The following PAPOLG variants were observed in gnomAD, a reference collection of about 807,000 sequenced individuals.
The protein encoded by PAPOLG is PAP-gamma.
A neutral mutation model predicts 99.0 loss-of-function variants in PAPOLG; 40 were observed. The observed-to-expected ratio is 0.40, with a 90% CI of 0.31 to 0.53. The LOEUF is 0.53. Among genes scored for constraint, PAPOLG ranks in the 20% least tolerant of loss-of-function variants. The probability of loss-of-function intolerance (pLI) is 0.41; values close to 1 mark genes in which losing one functional copy is unlikely to be tolerated. For missense variants in PAPOLG, 675 were observed against 884.1 expected (o/e 0.76, Z 3.00); for synonymous variants, 310 against 299.3 (o/e 1.04, Z -0.37).
At chr2:60,782,973 T>C (rs1322839734) in intron 12 of PAPOLG, 183 bp from the exon 13 acceptor site, 7 of 496,870 alleles carry the variant, frequency 1.4e-5, no homozygotes, top group Non-Finnish European at 1.8e-5. Context: ...AAGTGAATTG[T>C]TTTTTACTTG....
intron 9 of PAPOLG, 111 bp downstream of exon 9, chr2:60,779,886 T>A: frequency 1.0e-6 from 1 of 965,796 alleles, no homozygotes; most frequent in East Asian, 2.5e-5. Flanking sequence ...TACATTGCTT[T>A]GTAAAGTTGA....
chr2:60,796,898 T>G (rs1487150484), intron 21 of PAPOLG, 164 bp from the exon 22 acceptor site: 3 of 389,652 alleles, frequency 7.7e-6, no homozygotes, highest in African/African-American at 6.6e-5. Context: ...AAAGCAAGAG[T>G]TCCCTATGAA....
chr2:60,793,480 C>G, intron 17 of PAPOLG, 147 bp from the exon 18 acceptor site: 1 of 854,470 alleles, frequency 1.2e-6, no homozygotes, highest in South Asian at 1.9e-5. Context: ...GGCAAAGTTA[C>G]TTGAGTCCAG....
rs1671131783 is a variant in PAPOLG at position 60,779,622 on chromosome 2, A to C, written c.695-15A>C. 1.2e-6 allele frequency: 2 copies of C among 1,600,110 alleles called. No individual in the cohort carries two copies. The highest frequency in any genetic ancestry group is 4.5e-5 in the East Asian group (2 of 44,702). On this transcript the variant is annotated splice_polypyrimidine_tract_variant and intron_variant, in intron 8 of 21. Coordinates refer to ENST00000238714, the MANE Select transcript of PAPOLG (RefSeq NM_022894.4). ...TAGGTCCTAATAATAATTAACAAAT[A>C]TATTGATTTTCTAGGACGTGGTATT...
Position 60,797,526 on chromosome 2 carries a change from G to GT in PAPOLG, c.*371dup, listed in dbSNP as rs766458681. On this transcript the variant is annotated 3_prime_UTR_variant, in exon 22 of 22. Transcript: ENST00000238714. The stretch of plus-strand genomic sequence containing the variant: ...ACTCCTTTTTTGTTTTGTTTTTTGT[G>GT]TTTTTCTTTTTTTGTCTTATGTTGT... The GT allele has an allele frequency of 0.13, 21,808 of 169,472 alleles. 1,428 individuals carry two copies. Among genetic ancestry groups the GT allele is most frequent in the Middle Eastern group, 0.15 (56 of 372 alleles). The allele number at this position is 169,472 out of a possible 1,614,324, so 10.5% of individuals were successfully genotyped here.
At chr2:60,765,610 T>C (rs1360312514) in intron 3 of PAPOLG, among the ~76,000 whole-genome samples, 1 of 152,154 alleles carries the variant, frequency 6.6e-6, no homozygotes, top group African/African-American at 2.4e-5. Context: ...ATGATTTGAA[T>C]CTGTACACAA....
chr2:60,799,232 C>T lies in PAPOLG; in HGVS notation c.*2072C>T, dbSNP rs1255640707. 1 of 152,228 alleles carries T rather than the reference C, an allele frequency of 6.6e-6. No individual in the cohort carries two copies. The highest frequency in any genetic ancestry group is 1.5e-5 in the Non-Finnish European group (1 of 68,016). The allele number at this position is 152,228 out of a possible 1,614,324, so 9.4% of individuals were successfully genotyped here. On this transcript the variant is annotated 3_prime_UTR_variant, in exon 22 of 22. Coordinates refer to ENST00000238714, the MANE Select transcript of PAPOLG (RefSeq NM_022894.4). ...GAATTCCTTCTGTATCCATGTTTAC[C>T]CCATTATGTAAATAGATCTTTGGAG...
chr2:60,798,835 A>G lies in PAPOLG; in HGVS notation c.*1675A>G, dbSNP rs1671787507. The stretch of plus-strand genomic sequence containing the variant: ...CTCCAAAATGTAAATTCTAATGTTT[A>G]CCTTGTACCATGGAAAACATGAAAA... On this transcript the variant is annotated 3_prime_UTR_variant, in exon 22 of 22. Transcript: ENST00000238714. The G allele has an allele frequency of 6.6e-6, 1 of 152,334 alleles. No homozygotes were observed. Among genetic ancestry groups the G allele is most frequent in the Non-Finnish European group, 1.5e-5 (1 of 68,026 alleles). The allele number at this position is 152,334 out of a possible 1,614,324, so 9.4% of individuals were successfully genotyped here.
intron 14 of PAPOLG, 125 bp from the exon 15 acceptor site, chr2:60,787,386 C>G: frequency 8.0e-7 from 1 of 1,244,310 alleles, no homozygotes; most frequent in Non-Finnish European, 1.1e-6. Context: ...AGAATCTGGC[C>G]AGACCACTGA....
chr2:60,782,598 T>C (rs1671223543), intron 11 of PAPOLG, 88 bp from the exon 12 acceptor site: 7 of 1,344,016 alleles, frequency 5.2e-6, no homozygotes, highest in Non-Finnish European at 5.8e-6. Flanking sequence ...GAGTTTGAGA[T>C]TTTGTAGTAG....
chr2:60,792,244 C>A lies in PAPOLG; in HGVS notation c.1634C>A (p.Ser545Tyr). The A allele has an allele frequency of 6.2e-7, 1 of 1,609,970 alleles. No homozygotes were observed. Among genetic ancestry groups the A allele is most frequent in the Non-Finnish European group, 8.5e-7 (1 of 1,179,182 alleles). The stretch of plus-strand genomic sequence containing the variant: ...ACTGATAATGGAACACCTTTTAATT[C>A]TCCAGCGTCCAAGTCTGATAGCCCT... ...RDTDNGTPFN[S>Y]PASKSDSPSV... The change falls in exon 17 of 22, where the codon TCT (serine) becomes TAT (tyrosine). Residue 545 changes from serine (S) to tyrosine (Y), a missense_variant. By Grantham distance (144) the Ser-to-Tyr change is moderately radical (BLOSUM62 -2). Coordinates refer to ENST00000238714, the MANE Select transcript of PAPOLG (RefSeq NM_022894.4).
At chr2:60,760,703 C>T (rs1481372718) in intron 2 of PAPOLG, among the ~76,000 whole-genome samples, 1 of 152,056 alleles carries the variant, frequency 6.6e-6, no homozygotes, top group Non-Finnish European at 1.5e-5. Context: ...GGTGTCTGAG[C>T]AGTGAGGAAG....
chr2:60,767,753 AG>A (rs1390034359), intron 3 of PAPOLG, among the ~76,000 whole-genome samples: 1 of 152,220 alleles, frequency 6.6e-6, no homozygotes, highest in East Asian at 1.9e-4. Flanking sequence ...CAAAAACTAA[AG>A]GGGATATGGG....
At chr2:60,764,843 C>A (rs141327532) in intron 3 of PAPOLG, among the ~76,000 whole-genome samples, 1 of 152,126 alleles carries the variant, frequency 6.6e-6, no homozygotes, top group African/African-American at 2.4e-5. Context: ...AGACTACAGT[C>A]GTTGAGTTTA....
intron 1 of PAPOLG, 117 bp downstream of exon 1, chr2:60,756,612 G>A (rs1374031861): frequency 1.7e-6 from 2 of 1,169,178 alleles, no homozygotes; most frequent in African/African-American, 3.2e-5. Flanking sequence ...TCGCCGGGAT[G>A]GTCTCCTTCC....
intron 3 of PAPOLG, 126 bp from the exon 4 acceptor site, chr2:60,768,344 C>T: frequency 1.2e-6 from 1 of 845,284 alleles, no homozygotes; most frequent in Non-Finnish European, 1.8e-6. Flanking sequence ...TCAGGTGATC[C>T]ACCGGCCTTG....
chr2:60,765,390 CTT>C (rs397743711), intron 3 of PAPOLG, among the ~76,000 whole-genome samples: 19 of 132,442 alleles, frequency 1.4e-4, no homozygotes, highest in Admixed American at 1.6e-4. Flanking sequence ...CTATAATTCT[CTT>C]TTTTTTTTTT....
At position 60,801,161 on chromosome 2, in the gene PAPOLG, T is replaced by C. The variant is rs1671827045; in HGVS notation, c.*4001T>C. Reference sequence around the variant, plus strand: ...TCATTAAAGATCCCAAAATGTTGAGTTCTGTAGCATGAAAACTCTCTTGCT... The same window carrying C: ...TCATTAAAGATCCCAAAATGTTGAGCTCTGTAGCATGAAAACTCTCTTGCT... On this transcript the variant is annotated 3_prime_UTR_variant, in exon 22 of 22. Coordinates refer to ENST00000238714, the MANE Select transcript of PAPOLG (RefSeq NM_022894.4). 1 of 152,238 alleles carries C rather than the reference T, an allele frequency of 6.6e-6. No individual in the cohort carries two copies. Among genetic ancestry groups the C allele is most frequent in the Non-Finnish European group, 1.5e-5 (1 of 68,022 alleles). The allele number at this position is 152,238 out of a possible 1,614,324, so 9.4% of individuals were successfully genotyped here. A position where few individuals can be genotyped will look rare whatever the true frequency, so the allele number is the denominator to read the frequency against.
intron 10 of PAPOLG, among the ~76,000 whole-genome samples, chr2:60,781,057 A>G (rs1671173210): frequency 6.6e-6 from 1 of 152,132 alleles, no homozygotes; most frequent in South Asian, 2.1e-4. Context: ...AAATGTCTCA[A>G]AAGTAATTGG....
Sources: allele counts gnomAD v4.1 joint callset (sites outside exome capture counted in the v4.1 genomes callset), GRCh38; gene constraint gnomAD v4.1.1; transcripts MANE v1.5; gene names NCBI Gene and HGNC (gene_info 2026-07-23, HGNC 2026-07-21).